The following PICALM variants were observed in gnomAD, a reference collection of about 807,000 sequenced individuals.
The protein encoded by PICALM is phosphatidylinositol-binding clathrin assembly protein.
Under a neutral mutation model 80.5 loss-of-function variants are expected in PICALM, and 40 were observed. The ratio of observed to expected loss-of-function variants is 0.50; its 90% CI spans 0.39 to 0.65. The LOEUF (loss-of-function observed/expected upper bound fraction) is 0.65. PICALM is among the 30% of genes least tolerant of loss of function. The pLI, the probability that PICALM is intolerant of heterozygous loss-of-function variation, is 0.00. For synonymous variants in PICALM, 288 were observed against 260.3 expected, an observed-to-expected ratio of 1.11 and a Z score of -1.02; for missense variants, 676 against 778.9, an observed-to-expected ratio of 0.87 and a Z score of 1.57.
intron 5 of PICALM, 102 bp from the exon 6 acceptor site, chr11:86,012,494 G>C (rs751615640): frequency 7.9e-6 from 5 of 636,072 alleles, no homozygotes; most frequent in Non-Finnish European, 1.4e-5. Flanking sequence ...CATGCATTAG[G>C]CATGTTAGTG....
At chr11:86,033,280 A>G (rs5007197) in intron 1 of PICALM, among the ~76,000 whole-genome samples, 15 of 106,906 alleles carry the variant, frequency 1.4e-4, no homozygotes, top group African/African-American at 3.6e-4. Flanking sequence ...GTGTGTGTGT[A>G]TATATATATA....
At chr11:86,016,988 G>A (rs564982929) in intron 4 of PICALM, among the ~76,000 whole-genome samples, 2 of 152,260 alleles carry the variant, frequency 1.3e-5, no homozygotes, top group East Asian at 1.9e-4. Context: ...TTGGGAGGCT[G>A]AGGGGCGAGT....
chr11:85,977,935 G>A (rs1288097656), intron 17 of PICALM: 1 of 727,750 alleles, frequency 1.4e-6, no homozygotes, highest in African/African-American at 1.7e-5. Flanking sequence ...ATCAGTAGAT[G>A]CTAGGAAGAA....
rs906965969 is a variant in PICALM, at chr11:85,990,233, G to A, written c.1408+17C>T. 7 of 1,523,040 alleles carry A rather than the reference G, an allele frequency of 4.6e-6. No individual in the cohort carries two copies. The Middle Eastern group carries it at 6.9e-4, about 150-fold the overall frequency. 94.3% of individuals were successfully genotyped at this position (1,523,040 alleles called of 1,614,324 possible). ...GTATAAACATTGATTGGAAAAAAAGGTTAAATGGTACTTTACCAACAAACA... is the reference window on the plus strand; with the variant it reads ...GTATAAACATTGATTGGAAAAAAAGATTAAATGGTACTTTACCAACAAACA... On this transcript the variant is annotated intron_variant, in intron 13 of 19. Coordinates refer to ENST00000393346, the MANE Select transcript of PICALM (RefSeq NM_007166.4).
intron 6 of PICALM, among the ~76,000 whole-genome samples, chr11:86,011,687 T>C (rs2095396358): frequency 6.6e-6 from 1 of 152,134 alleles, no homozygotes; most frequent in Non-Finnish European, 1.5e-5. Flanking sequence ...CCTGAGTAAG[T>C]CCACGTTACT....
At chr11:85,991,489 GTCAAAAAAT>G (rs1191530942) in intron 12 of PICALM, among the ~76,000 whole-genome samples, 7 of 151,516 alleles carry the variant, frequency 4.6e-5, no homozygotes, top group African/African-American at 1.7e-4. Context: ...TTCCTTTAAA[GTCAAAAAAT>G]TCAAGGCAAG....
At chr11:86,004,513 G>GTT (rs538063701) in intron 8 of PICALM, among the ~76,000 whole-genome samples, 1 of 145,392 alleles carries the variant, frequency 6.9e-6, no homozygotes, top group Non-Finnish European at 1.5e-5. Context: ...GAATACTTAC[G>GTT]TTTTTTTTTT....
chr11:85,988,066 T>C (rs1342425003), intron 13 of PICALM, among the ~76,000 whole-genome samples: 3 of 152,244 alleles, frequency 2.0e-5, no homozygotes, highest in Non-Finnish European at 4.4e-5. Flanking sequence ...CTCAATTCTT[T>C]AGTTGTGTCA....
chr11:86,004,201 G>A (rs12283011), intron 8 of PICALM, among the ~76,000 whole-genome samples: 4,431 of 152,144 alleles, frequency 0.029, 225 homozygotes, highest in African/African-American at 0.1. Flanking sequence ...TTGGAAAATG[G>A]ATAGACAAAA....
intron 11 of PICALM, among the ~76,000 whole-genome samples, chr11:85,998,363 A>G (rs900556835): frequency 2.6e-5 from 4 of 151,762 alleles, no homozygotes; most frequent in Middle Eastern, 3.4e-3. Context: ...CGCCCACCTC[A>G]GCCTCCCAAA....
In PICALM at chr11:86,011,939, C is replaced by T. The variant is rs542232936; in HGVS notation, c.658+342G>A. 4.6e-5 allele frequency among the ~76,000 whole-genome samples: 7 copies of T among 151,654 alleles called. No individual in the cohort carries two copies. The South Asian group carries it at 1.0e-3, about 23-fold the overall frequency. The stretch of plus-strand genomic sequence containing the variant: ...GATCTAGGCTCACTGCAACCTCCGC[C>T]TCCTGGGTTCAAGCAATTCTCCTGC... On this transcript the variant is annotated intron_variant, in intron 6 of 19. Coordinates refer to ENST00000393346, the MANE Select transcript of PICALM (RefSeq NM_007166.4).
At chr11:85,974,523 T>A (rs887595222) in intron 19 of PICALM, 185 bp downstream of exon 19, 1 of 709,562 alleles carries the variant, frequency 1.4e-6, no homozygotes, top group African/African-American at 1.7e-5. Context: ...TATCTACTTA[T>A]CCTTTCCCTC....
rs1273276460 is a variant in PICALM at position 85,996,830 on chromosome 11, C to A, written c.1254G>T (p.Trp418Cys). The change falls in exon 12 of 20, where the codon TGG (tryptophan) becomes TGT (cysteine). Residue 418 changes from tryptophan (W) to cysteine (C), a missense_variant. Trp to Cys is a radical substitution (Grantham distance 215, BLOSUM62 -2). This residue lies in a region of PICALM where 391 missense variants were observed against 383.6 expected (regional missense o/e 1.02). Transcript: ENST00000393346. ...MSTASQVAST[W>C]GDPFSATVDA... Reference sequence around the variant, plus strand: ...ATAGAATTCATCAATGCTTACCTCCCCATGTACTTGCTACCTGAGAAGCAG... The same window carrying A: ...ATAGAATTCATCAATGCTTACCTCCACATGTACTTGCTACCTGAGAAGCAG... 1.3e-6 allele frequency: 2 copies of A among 1,567,704 alleles called. No homozygotes were observed. The highest frequency in any genetic ancestry group is 1.1e-5 in the South Asian group (1 of 89,932).
Position 85,965,807 on chromosome 11 carries a change from G to GTTT in PICALM, c.1945-6750_1945-6748dup, listed in dbSNP as rs142410273. Among the ~76,000 whole-genome samples, 298 of 79,258 alleles carry GTTT rather than the reference G, an allele frequency of 3.8e-3. 22 individuals are homozygous for GTTT. The highest frequency in any genetic ancestry group is 3.9e-3 in the Non-Finnish European group (171 of 43,372). 52.0% of individuals were successfully genotyped at this position (79,258 alleles called of 152,430 possible). On this transcript the variant is annotated intron_variant, in intron 19 of 19. Coordinates refer to ENST00000393346, the MANE Select transcript of PICALM (RefSeq NM_007166.4). Reference sequence around the variant, plus strand: ...TCACCTTGAATGCATTACCCATTTTGTTTTTTTGTTTTTTTTTTTTTTTTT... The same window carrying GTTT: ...TCACCTTGAATGCATTACCCATTTTGTTTTTTTTTTGTTTTTTTTTTTTTTTTT...
intron 1 of PICALM, among the ~76,000 whole-genome samples, chr11:86,050,281 C>G (rs1329503835): frequency 1.3e-5 from 2 of 150,092 alleles, no homozygotes; most frequent in African/African-American, 2.5e-5. Context: ...AAAAAAAAAG[C>G]CAAAAAGAAA....
intron 8 of PICALM, among the ~76,000 whole-genome samples, chr11:86,005,575 T>C (rs1189598561): frequency 1.3e-5 from 2 of 151,898 alleles, no homozygotes; most frequent in South Asian, 4.2e-4. Flanking sequence ...TGTGGTGGCA[T>C]ATGCCTGTGG....
intron 19 of PICALM, among the ~76,000 whole-genome samples, chr11:85,968,046 A>G (rs2093963932): frequency 6.6e-6 from 1 of 152,166 alleles, no homozygotes; most frequent in Admixed American, 6.5e-5. Flanking sequence ...GAAACCAACA[A>G]AACTTGGCCA....
At chr11:86,011,553 A>C (rs570645748) in intron 6 of PICALM, among the ~76,000 whole-genome samples, 25 of 152,320 alleles carry the variant, frequency 1.6e-4, no homozygotes, top group Admixed American at 9.8e-4. Context: ...TATACATAGA[A>C]AAGGTTAATT....
At chr11:86,002,995 G>A (rs1486038537) in intron 9 of PICALM, among the ~76,000 whole-genome samples, 1 of 151,876 alleles carries the variant, frequency 6.6e-6, no homozygotes, top group African/African-American at 2.4e-5. Flanking sequence ...CTGGGCAATA[G>A]AGTGAGACTC....
Sources: gnomAD v4.1 joint callset for allele counts (sites outside exome capture counted in the v4.1 genomes callset) on GRCh38, gnomAD v4.1.1 for gene constraint, gnomAD v4.1.1 regional missense constraint, MANE v1.5 for transcripts, NCBI Gene and HGNC (gene_info 2026-07-23, HGNC 2026-07-21) for gene names.